TPCN1: variants seen among roughly 807,000 people sequenced by gnomAD.
TPCN1 encodes the protein two pore channel protein 1.
TPCN1 carries 52 observed loss-of-function variants against 108.8 expected under a neutral mutation model. That is an observed-to-expected ratio of 0.48 (90% CI 0.38 to 0.60). The LOEUF is 0.60. Ranked by LOEUF, TPCN1 falls within the 20% of genes least tolerant of loss-of-function variation. TPCN1 has a pLI of 0.00. For missense variants in TPCN1, 806 were observed against 1,072.8 expected (o/e 0.75, Z 3.47); for synonymous variants, 446 against 433.7 (o/e 1.03, Z -0.35).
Position 113,288,683 on chromosome 12 carries a change from C to A in TPCN1, c.1707-75C>A. 1 of 1,589,078 alleles carries A rather than the reference C, an allele frequency of 6.3e-7. No individual in the cohort carries two copies. The highest frequency in any genetic ancestry group is 8.5e-7 in the Non-Finnish European group (1 of 1,171,678). On this transcript the variant is annotated intron_variant, in intron 20 of 27. Transcript: ENST00000335509. The surrounding 1 kb of genome is among the most constrained non-coding windows in gnomAD (Gnocchi z 4.8). Reference sequence around the variant, plus strand: ...TGGCCCTGCAGTCAGCCCCACGGGTCCGAGGAGGCCGGGGCTGCAGAGGAG... The same window carrying A: ...TGGCCCTGCAGTCAGCCCCACGGGTACGAGGAGGCCGGGGCTGCAGAGGAG...
rs569927601 is a variant in TPCN1 at position 113,231,440 on chromosome 12, C to T, written c.112+4476C>T. On this transcript the variant is annotated intron_variant, in intron 2 of 27. Transcript: ENST00000335509. The surrounding 1 kb of genome is among the most constrained non-coding windows in gnomAD (Gnocchi z 4.3). ...CAGTCCTATTGGATTAGGGCTCATCCATATGACCTTGTTTTACCTTAATCA... is the reference window on the plus strand; with the variant it reads ...CAGTCCTATTGGATTAGGGCTCATCTATATGACCTTGTTTTACCTTAATCA... 6.6e-6 allele frequency among the ~76,000 whole-genome samples: 1 copy of T among 152,348 alleles called. No individual in the cohort carries two copies. The highest frequency in any genetic ancestry group is 6.5e-5 in the Admixed American group (1 of 15,298).
At chr12:113,280,061 C>T in intron 14 of TPCN1, 90 bp from the exon 15 acceptor site, 2 of 1,051,688 alleles carry the variant, frequency 1.9e-6, no homozygotes, top group Non-Finnish European at 2.9e-6. Flanking sequence ...GGTGGTTGCA[C>T]CTGCCCAGAA....
At chr12:113,249,183 A>T (rs1307976707) in intron 2 of TPCN1, among the ~76,000 whole-genome samples, 3 of 152,146 alleles carry the variant, frequency 2.0e-5, no homozygotes, top group Non-Finnish European at 2.9e-5. Flanking sequence ...GGCCCATAAG[A>T]GTGCATCCCA....
chr12:113,293,283 G>A lies in TPCN1; in HGVS notation c.2268G>A (p.Val756=). Residue 756 remains valine, a synonymous_variant, in exon 27 of 28, where the codon GTG becomes GTA. Coordinates refer to ENST00000335509, the MANE Select transcript of TPCN1 (RefSeq NM_017901.6). The stretch of plus-strand genomic sequence containing the variant: ...CTCTTCCTTAGCAACATTCCATGGT[G>A]TTTCTGGGACGGCGATCAAGGACCA... ...QMERYQQHSM[V]FLGRRSRTKS... 1 of 1,614,128 alleles carries A rather than the reference G, an allele frequency of 6.2e-7. No individual in the cohort carries two copies. The highest frequency in any genetic ancestry group is 1.1e-5 in the South Asian group (1 of 91,090).
At chr12:113,278,077 C>T in intron 12 of TPCN1, 112 bp from the exon 13 acceptor site, 2 of 851,524 alleles carry the variant, frequency 2.3e-6, no homozygotes, top group East Asian at 2.6e-5. Context: ...ATGGTGTCCC[C>T]TCTCTTCCTC....
chr12:113,292,725 G>C (rs1399298128), intron 25 of TPCN1: 3 of 532,576 alleles, frequency 5.6e-6, no homozygotes, highest in Non-Finnish European at 9.7e-6. Flanking sequence ...CCCTGTAACA[G>C]CTGCCAGCTA....
chr12:113,259,668 C>A (rs1954952139), intron 2 of TPCN1, among the ~76,000 whole-genome samples: 1 of 152,210 alleles, frequency 6.6e-6, no homozygotes, highest in Admixed American at 6.5e-5. Flanking sequence ...GGAACAGTTT[C>A]AAGTTCAGCT....
chr12:113,273,309 T>G lies in TPCN1; in HGVS notation c.842+19T>G, dbSNP rs1325699049. On this transcript the variant is annotated intron_variant, in intron 9 of 27. Transcript: ENST00000335509. This position sits in a 1 kb window ranked among gnomAD's most constrained non-coding sequence, Gnocchi z 4.0. ...CAGCCAAGTAAGTGCAGGCTCTGCCTTGCCTTTGGTCCTCTGCTGCCGCCC... is the reference window on the plus strand; with the variant it reads ...CAGCCAAGTAAGTGCAGGCTCTGCCGTGCCTTTGGTCCTCTGCTGCCGCCC... 6.2e-7 allele frequency: 1 copy of G among 1,613,826 alleles called. No individual in the cohort carries two copies. Among genetic ancestry groups the G allele is most frequent in the East Asian group, 2.2e-5 (1 of 44,882 alleles).
intron 15 of TPCN1, among the ~76,000 whole-genome samples, chr12:113,283,167 A>G (rs1955950415): frequency 6.6e-6 from 1 of 152,234 alleles, no homozygotes. Context: ...TTTAGTTTAT[A>G]TCCCTGTCAC....
At position 113,279,387 on chromosome 12, in the gene TPCN1, A is replaced by ATTTTTTTTTTTTTTTTTTTTTT. The variant is rs1251575479; in HGVS notation, c.1297+553_1297+554insTTTTTTTTTTTTTTTTTTTTTT. Reference sequence around the variant, plus strand: ...TATATATATATATATATATATATATATATATTTTTTTTTTTTTTTTTTTTT... The same window carrying ATTTTTTTTTTTTTTTTTTTTTT: ...TATATATATATATATATATATATATATTTTTTTTTTTTTTTTTTTTTTTATATTTTTTTTTTTTTTTTTTTTT... On this transcript the variant is annotated intron_variant, in intron 14 of 27. Coordinates refer to ENST00000335509, the MANE Select transcript of TPCN1 (RefSeq NM_017901.6). 1.0e-4 allele frequency among the ~76,000 whole-genome samples: 2 copies of ATTTTTTTTTTTTTTTTTTTTTT among 19,650 alleles called. 1 individual carries two copies. The highest frequency in any genetic ancestry group is 1.5e-4 in the Non-Finnish European group (2 of 13,024). The allele number at this position is 19,650 out of a possible 152,430, so 12.9% of individuals were successfully genotyped here.
At chr12:113,270,210 A>T (rs116692971) in intron 7 of TPCN1, among the ~76,000 whole-genome samples, 3,659 of 152,180 alleles carry the variant, frequency 0.024, 57 homozygotes, top group African/African-American at 0.04. Context: ...CTCAAAAAAA[A>T]AAAGAAAAGA....
At chr12:113,292,049 G>A (rs1956287802) in intron 25 of TPCN1, 91 bp downstream of exon 25, 3 of 1,119,790 alleles carry the variant, frequency 2.7e-6, no homozygotes, top group Admixed American at 3.4e-5. Flanking sequence ...CCAGCCATCA[G>A]GCTGTCATTT....
At chr12:113,261,412 CTTTTTTTTTTTT>C (rs1188898527) in intron 3 of TPCN1, among the ~76,000 whole-genome samples, 2 of 87,496 alleles carry the variant, frequency 2.3e-5, no homozygotes, top group Non-Finnish European at 4.3e-5. Flanking sequence ...ATAGCATAAG[CTTTTTTTTTTTT>C]TTTTTTTTTC....
chr12:113,292,117 T>A, intron 25 of TPCN1, 159 bp downstream of exon 25: 1 of 641,862 alleles, frequency 1.6e-6, no homozygotes, highest in South Asian at 1.8e-5. Flanking sequence ...ATCTTGTATT[T>A]GCATTGATTT....
intron 27 of TPCN1, 75 bp downstream of exon 27, chr12:113,293,424 G>C: frequency 3.6e-6 from 5 of 1,380,590 alleles, no homozygotes; most frequent in Non-Finnish European, 5.2e-6. Context: ...CTGCTCTCTG[G>C]CCCTCTGAGT....
intron 3 of TPCN1, among the ~76,000 whole-genome samples, chr12:113,263,105 A>T (rs753625968): frequency 1.3e-5 from 2 of 152,200 alleles, no homozygotes; most frequent in Non-Finnish European, 2.9e-5. Context: ...TATCTCAAAA[A>T]TTGTTTAAAT....
At chr12:113,261,661 T>A (rs1955043990) in intron 3 of TPCN1, among the ~76,000 whole-genome samples, 1 of 152,128 alleles carries the variant, frequency 6.6e-6, no homozygotes, top group South Asian at 2.1e-4. Context: ...ACTCTTGACC[T>A]CAGGTGATCC....
chr12:113,292,948 A>G lies in TPCN1; in HGVS notation c.2128A>G (p.Thr710Ala). 6.2e-7 allele frequency: 1 copy of G among 1,612,366 alleles called. No homozygotes were observed. Among genetic ancestry groups the G allele is most frequent in the Non-Finnish European group, 8.5e-7 (1 of 1,179,742 alleles). The change falls in exon 26 of 28, where the codon ACC becomes GCC. Residue 710 changes from threonine (T) to alanine (A), a missense_variant. Thr to Ala is a moderately conservative substitution (Grantham distance 58). Coordinates refer to ENST00000335509, the MANE Select transcript of TPCN1 (RefSeq NM_017901.6). ...NQDSEVDGGI[T>A]LEKEISKEEL... is the part of the protein sequence containing the mutation. ...CATCCCTGCAGTTGATGGTGGCATCACCCTTGAGAAGGAAATCTCCAAAGA... is the reference window on the plus strand; with the variant it reads ...CATCCCTGCAGTTGATGGTGGCATCGCCCTTGAGAAGGAAATCTCCAAAGA...
chr12:113,265,080 C>T (rs1050970701), intron 3 of TPCN1, among the ~76,000 whole-genome samples: 3 of 152,214 alleles, frequency 2.0e-5, no homozygotes, highest in South Asian at 4.1e-4. Context: ...CCCGCCTCAG[C>T]CTCCCAAAGT....
Sources: allele counts gnomAD v4.1 joint callset (sites outside exome capture counted in the v4.1 genomes callset), GRCh38; gene constraint gnomAD v4.1.1; non-coding constraint Gnocchi (gnomAD v3.1); transcripts MANE v1.5; gene names NCBI Gene and HGNC (gene_info 2026-07-23, HGNC 2026-07-21).